The following TRAP1 variants were observed in gnomAD, a reference collection of about 807,000 sequenced individuals.
TRAP1 encodes TNF receptor associated protein 1, also known as heat shock protein 75 kDa, mitochondrial.
In TRAP1, 102 loss-of-function variants were observed where a neutral mutation model predicts 89.1. The ratio of observed to expected loss-of-function variants is 1.15; its 90% CI spans 0.98 to 1.35. The LOEUF is 1.35. Ranked by LOEUF, TRAP1 falls within the 40% of genes most tolerant of loss-of-function variation. The pLI is 0.00. For missense variants in TRAP1, 1,256 were observed against 945.3 expected, an observed-to-expected ratio of 1.33 and a Z score of -4.31; for synonymous variants, 508 against 388.0, an observed-to-expected ratio of 1.31 and a Z score of -3.64.
chr16:3,675,929 CTG>C lies in TRAP1; in HGVS notation c.814+105_814+106del, dbSNP rs2050985954. Reference sequence around the variant, plus strand: ...GCGGCTCGGCCCTTCACGGCTCTGCCTGTGCACCCTACGTGCAGGTAGAACCA... The same window carrying C: ...GCGGCTCGGCCCTTCACGGCTCTGCCTGCACCCTACGTGCAGGTAGAACCA... On this transcript the variant is annotated intron_variant, in intron 7 of 17. Coordinates refer to ENST00000246957, the MANE Select transcript of TRAP1 (RefSeq NM_016292.3). 4 of 1,004,694 alleles carry C rather than the reference CTG, an allele frequency of 4.0e-6. No individual in the cohort carries two copies. In the Admixed American group the frequency reaches 7.0e-5, roughly 18 times the overall value. 62.2% of individuals were successfully genotyped at this position (1,004,694 alleles called of 1,614,324 possible). A position where few individuals can be genotyped will look rare whatever the true frequency, so the allele number is the denominator to read the frequency against.
chr16:3,676,207 GA>G (rs1226457796), intron 6 of TRAP1, 62 bp from the exon 7 acceptor site: 42 of 1,437,110 alleles, frequency 2.9e-5, no homozygotes, highest in Non-Finnish European at 4.0e-5. Flanking sequence ...CCCTGCATGG[GA>G]CTCCAGCGGT....
intron 1 of TRAP1, chr16:3,691,197 G>T (rs2151270507): frequency 2.6e-6 from 1 of 389,006 alleles, no homozygotes; most frequent in Non-Finnish European, 4.5e-6. Flanking sequence ...GTAAGATACT[G>T]TGTCTTCTCA....
At chr16:3,712,003 T>C (rs1381551188) in intron 1 of TRAP1, among the ~76,000 whole-genome samples, 1 of 152,036 alleles carries the variant, frequency 6.6e-6, no homozygotes, top group Non-Finnish European at 1.5e-5. Context: ...TCAAGATTCT[T>C]TGTCAGGCCC....
intron 4 of TRAP1, among the ~76,000 whole-genome samples, chr16:3,682,809 C>T (rs1045011879): frequency 3.3e-5 from 5 of 151,596 alleles, no homozygotes; most frequent in African/African-American, 1.2e-4. Context: ...GCAGCGAACC[C>T]TGATAGCACC....
chr16:3,707,483 C>T (rs2051464877), intron 1 of TRAP1, among the ~76,000 whole-genome samples: 1 of 151,278 alleles, frequency 6.6e-6, no homozygotes, highest in South Asian at 2.1e-4. Context: ...CCGCGCCCGG[C>T]CTTAAGAGGA....
chr16:3,658,660 A>G (rs1445065375), intron 17 of TRAP1, 133 bp downstream of exon 17: 1 of 870,028 alleles, frequency 1.1e-6, no homozygotes, highest in Non-Finnish European at 1.8e-6. Context: ...CAACAGAGCA[A>G]CACTCCATCT....
At chr16:3,688,314 A>C (rs1199752907) in intron 3 of TRAP1, among the ~76,000 whole-genome samples, 1 of 151,878 alleles carries the variant, frequency 6.6e-6, no homozygotes, top group East Asian at 1.9e-4. Context: ...AATGCGTTTT[A>C]ATTTCCTCAG....
intron 16 of TRAP1, 54 bp downstream of exon 16, chr16:3,661,933 A>C (rs538165154): frequency 3.3e-5 from 51 of 1,532,504 alleles, no homozygotes; most frequent in Non-Finnish European, 4.5e-5. Flanking sequence ...AGAACACCAC[A>C]CACAGGATTC....
chr16:3,686,530 T>C (rs900434845), intron 3 of TRAP1, among the ~76,000 whole-genome samples: 6 of 152,234 alleles, frequency 3.9e-5, no homozygotes, highest in African/African-American at 1.4e-4. Flanking sequence ...TTGCCCAGGC[T>C]GGTCTTGATC....
At chr16:3,663,231 C>T in intron 14 of TRAP1, 193 bp downstream of exon 14, 1 of 746,504 alleles carries the variant, frequency 1.3e-6, no homozygotes, top group Admixed American at 2.9e-5. Flanking sequence ...GGCAGGAGCA[C>T]TGGACAGACC....
At chr16:3,681,334 G>A (rs906751501) in intron 4 of TRAP1, among the ~76,000 whole-genome samples, 47 of 152,194 alleles carry the variant, frequency 3.1e-4, no homozygotes, top group African/African-American at 1.1e-3. Context: ...GCAAAGCAAG[G>A]GTGGTCAGTG....
intron 16 of TRAP1, 77 bp from the exon 17 acceptor site, chr16:3,658,942 A>G (rs2042895810): frequency 6.8e-7 from 1 of 1,481,300 alleles, no homozygotes; most frequent in East Asian, 2.3e-5. Context: ...TGGGATTATC[A>G]GGATATTTAA....
intron 4 of TRAP1, among the ~76,000 whole-genome samples, chr16:3,681,664 A>G (rs1017904703): frequency 3.3e-4 from 50 of 152,388 alleles, no homozygotes; most frequent in Non-Finnish European, 4.1e-4. Flanking sequence ...GTCATTAAAT[A>G]TAAGTTTCAT....
At chr16:3,697,251 C>A (rs1039973624) in intron 1 of TRAP1, among the ~76,000 whole-genome samples, 9 of 152,096 alleles carry the variant, frequency 5.9e-5, no homozygotes, top group African/African-American at 2.2e-4. Flanking sequence ...GAGCACTGTC[C>A]CGTATTTTTA....
intron 5 of TRAP1, 36 bp from the exon 6 acceptor site, chr16:3,677,694 C>T (rs749753649): frequency 6.2e-7 from 1 of 1,600,756 alleles, no homozygotes; most frequent in Admixed American, 1.7e-5. Flanking sequence ...GGCAGCCTCC[C>T]CTCCAGAGAG....
chr16:3,698,678 C>CG (rs968401967), intron 1 of TRAP1, among the ~76,000 whole-genome samples: 3 of 151,510 alleles, frequency 2.0e-5, no homozygotes, highest in African/African-American at 2.4e-5. Flanking sequence ...AGGCCAAGGC[C>CG]GGGGGGTCGC....
chr16:3,702,303 G>C (rs2051376938), intron 1 of TRAP1, among the ~76,000 whole-genome samples: 1 of 151,838 alleles, frequency 6.6e-6, no homozygotes, highest in African/African-American at 2.4e-5. Flanking sequence ...GAGGGGGCCT[G>C]AGGCACAAAC....
At chr16:3,686,157 G>C (rs1360955207) in intron 3 of TRAP1, 21 bp from the exon 4 acceptor site, 4 of 1,612,136 alleles carry the variant, frequency 2.5e-6, no homozygotes, top group Non-Finnish European at 3.4e-6. Flanking sequence ...AGAAATGGGA[G>C]GCACAGACAA....
At chr16:3,715,580 G>T (rs2051587671) in intron 1 of TRAP1, among the ~76,000 whole-genome samples, 1 of 152,082 alleles carries the variant, frequency 6.6e-6, no homozygotes, top group Admixed American at 6.6e-5. Flanking sequence ...GACCACAAAC[G>T]ACAAAGAGAA....
Sources: gnomAD v4.1 joint callset for allele counts (sites outside exome capture counted in the v4.1 genomes callset) on GRCh38, gnomAD v4.1.1 for gene constraint, MANE v1.5 for transcripts, NCBI Gene and HGNC (gene_info 2026-07-23, HGNC 2026-07-21) for gene names.